NLGN4Y: variants seen among roughly 807,000 people sequenced by gnomAD.
NLGN4Y encodes the protein neuroligin-4, Y-linked.
NLGN4Y carries 4 observed loss-of-function variants against 8.4 expected under a neutral mutation model. The observed-to-expected ratio is 0.48, with a 90% confidence interval of 0.23 to 1.09. NLGN4Y has a LOEUF of 1.09. Ranked by LOEUF, NLGN4Y falls within the 50% of genes least tolerant of loss-of-function variation. The pLI, the probability that NLGN4Y is intolerant of heterozygous loss-of-function variation, is 0.19. For missense variants in NLGN4Y, 90 were observed against 192.3 expected, an observed-to-expected ratio of 0.47 and a Z score of 3.15; for synonymous variants, 35 against 75.6, an observed-to-expected ratio of 0.46 and a Z score of 2.78.
chrY:14,578,433 C>T (rs780824010), intron 1 of NLGN4Y, among the ~76,000 whole-genome samples: 24 of 33,212 alleles, frequency 7.2e-4, no homozygotes, highest in African/African-American at 2.8e-3. Context: ...CTTGTACTGA[C>T]ACAAATACCC....
intron 2 of NLGN4Y, among the ~76,000 whole-genome samples, chrY:14,638,777 T>C (rs2080577518): frequency 5.9e-5 from 2 of 33,832 alleles, no homozygotes; most frequent in African/African-American, 2.3e-4. Flanking sequence ...CTGTGGAGCA[T>C]GGGTTAGATC....
intron 2 of NLGN4Y, among the ~76,000 whole-genome samples, chrY:14,635,053 A>G: frequency 3.0e-5 from 1 of 33,434 alleles, no homozygotes; most frequent in African/African-American, 1.2e-4. Flanking sequence ...TTCCTTAAAA[A>G]TAATATTTTT....
chrY:14,636,460 C>T (rs2080565758), intron 2 of NLGN4Y, among the ~76,000 whole-genome samples: 1 of 33,240 alleles, frequency 3.0e-5, no homozygotes, highest in East Asian at 7.7e-4. Context: ...TTATAATTTG[C>T]ATGTTTCTAA....
At chrY:14,673,980 A>G in intron 2 of NLGN4Y, among the ~76,000 whole-genome samples, 1 of 30,034 alleles carries the variant, frequency 3.3e-5, no homozygotes, top group African/African-American at 1.3e-4. Flanking sequence ...GTGGGAATTG[A>G]ACAATGAGAT....
intron 1 of NLGN4Y, among the ~76,000 whole-genome samples, chrY:14,607,828 G>A: frequency 2.9e-5 from 1 of 33,908 alleles, no homozygotes; most frequent in East Asian, 7.8e-4. Flanking sequence ...TGAATTAATC[G>A]ACACTACCAC....
intron 1 of NLGN4Y, among the ~76,000 whole-genome samples, chrY:14,574,428 T>G (rs2080288474): frequency 3.0e-5 from 1 of 33,434 alleles, no homozygotes; most frequent in Non-Finnish European, 7.4e-5. Context: ...CTGGCTTTTT[T>G]TGTTTTCCAT....
chrY:14,705,046 C>T, intron 2 of NLGN4Y, among the ~76,000 whole-genome samples: 1 of 32,481 alleles, frequency 3.1e-5, no homozygotes, highest in South Asian at 6.9e-4. Context: ...TTTGTTTCTT[C>T]TCTCTTTTTT....
At chrY:14,787,200 T>C (rs987768168) in intron 4 of NLGN4Y, among the ~76,000 whole-genome samples, 3 of 31,517 alleles carry the variant, frequency 9.5e-5, no homozygotes, top group East Asian at 8.5e-4. Context: ...ATTTTTATTA[T>C]CTTTTTTTTA....
intron 2 of NLGN4Y, among the ~76,000 whole-genome samples, chrY:14,643,650 G>A: frequency 3.0e-5 from 1 of 33,264 alleles, no homozygotes. Flanking sequence ...ATGAATTAGG[G>A]TCTTTAGTCC....
intron 2 of NLGN4Y, among the ~76,000 whole-genome samples, chrY:14,702,460 G>A (rs2080855251): frequency 3.1e-5 from 1 of 32,209 alleles, no homozygotes; most frequent in Non-Finnish European, 7.6e-5. Flanking sequence ...ATGGTTTCCA[G>A]CTTCATCCAT....
chrY:14,842,283 A>T lies in NLGN4Y; in HGVS notation c.*1021A>T. ...GTGGAATGTATTTAAAACTTGTTGA[A>T]TTAGACACACACACACAGACACACA... On this transcript the variant is annotated 3_prime_UTR_variant, in exon 7 of 7. Coordinates refer to ENST00000684976, the MANE Select transcript of NLGN4Y (RefSeq NM_001365588.1). The T allele has an allele frequency of 8.3e-6, 1 of 120,768 alleles. No individual in the cohort carries two copies. Among genetic ancestry groups the T allele is most frequent in the African/African-American group, 9.4e-5 (1 of 10,689 alleles). 30.1% of individuals were successfully genotyped at this position (120,768 alleles called of 400,897 possible). A position where few individuals can be genotyped will look rare whatever the true frequency, so the allele number is the denominator to read the frequency against.
At chrY:14,779,316 G>A (rs1026283754) in intron 4 of NLGN4Y, among the ~76,000 whole-genome samples, 2 of 33,356 alleles carry the variant, frequency 6.0e-5, no homozygotes, top group Non-Finnish European at 1.5e-4. Context: ...TCTGACCAGG[G>A]ACCTTGTGTT....
chrY:14,708,247 C>T, intron 2 of NLGN4Y, among the ~76,000 whole-genome samples: 1 of 33,586 alleles, frequency 3.0e-5, no homozygotes, highest in East Asian at 7.9e-4. Context: ...ATTAGTTCCA[C>T]ATGCTACATA....
intron 4 of NLGN4Y, among the ~76,000 whole-genome samples, chrY:14,736,830 A>G (rs2080992749): frequency 3.1e-5 from 1 of 32,423 alleles, no homozygotes. Context: ...GCCCTGTGGA[A>G]CTGTGGGTTA....
In NLGN4Y at chrY:14,678,061, T is replaced by G. The variant is rs2150532012; in HGVS notation, c.473-41398T>G. On this transcript the variant is annotated intron_variant, in intron 2 of 6. Coordinates refer to ENST00000684976, the MANE Select transcript of NLGN4Y (RefSeq NM_001365588.1). ...TAATTTAATGCCTACCTCACTTGTC[T>G]TTTTCAAATAATACTTAATGAATGA... 9.0e-5 allele frequency among the ~76,000 whole-genome samples: 3 copies of G among 33,383 alleles called. No homozygotes were observed. In the East Asian group the frequency reaches 2.4e-3, roughly 27 times the overall value. The allele number at this position is 33,383 out of a possible 37,273, so 89.6% of individuals were successfully genotyped here. A position where few individuals can be genotyped will look rare whatever the true frequency, so the allele number is the denominator to read the frequency against.
At chrY:14,565,853 G>T in intron 1 of NLGN4Y, among the ~76,000 whole-genome samples, 5 of 32,323 alleles carry the variant, frequency 1.5e-4, no homozygotes, top group Admixed American at 1.5e-3. Context: ...AGAAGAGAGT[G>T]GGGGGGTAAA....
intron 4 of NLGN4Y, among the ~76,000 whole-genome samples, chrY:14,817,342 C>T (rs2043105899): frequency 3.0e-5 from 1 of 33,183 alleles, no homozygotes. Flanking sequence ...CTGGCCATCT[C>T]GCCGTATCCA....
chrY:14,592,264 G>A, intron 1 of NLGN4Y, among the ~76,000 whole-genome samples: 1 of 33,009 alleles, frequency 3.0e-5, no homozygotes. Context: ...TCAAAAGGAA[G>A]GAAGATAGAA....
At chrY:14,835,558 G>C in intron 6 of NLGN4Y, among the ~76,000 whole-genome samples, 1 of 27,342 alleles carries the variant, frequency 3.7e-5, no homozygotes, top group Non-Finnish European at 8.7e-5. Context: ...AAAGAAGGAA[G>C]CAAAGAAAAG....
Sources: allele counts gnomAD v4.1 joint callset (sites outside exome capture counted in the v4.1 genomes callset), GRCh38; gene constraint gnomAD v4.1.1; transcripts MANE v1.5; gene names NCBI Gene and HGNC (gene_info 2026-07-23, HGNC 2026-07-21).